CGRRF1: variants seen among roughly 807,000 people sequenced by gnomAD.
CGRRF1 encodes the protein cell growth regulator with ring finger domain 1.
In CGRRF1, 32 loss-of-function variants were observed where a neutral mutation model predicts 37.2. The observed-to-expected ratio is 0.86, with a 90% CI of 0.65 to 1.16. The LOEUF is 1.16. Ranked by LOEUF, CGRRF1 falls within the 50% of genes most tolerant of loss-of-function variation. CGRRF1 has a pLI of 0.00. For missense variants in CGRRF1, 391 were observed against 382.6 expected (o/e 1.02, Z -0.18); for synonymous variants, 141 against 140.3 (o/e 1.00, Z -0.04).
chr14:54,535,417 C>T (rs993417500), intron 4 of CGRRF1, among the ~76,000 whole-genome samples: 3 of 147,862 alleles, frequency 2.0e-5, no homozygotes, highest in African/African-American at 7.5e-5. Context: ...AAAACATTCT[C>T]ATTTTGTTTG....
At position 54,534,639 on chromosome 14, in the gene CGRRF1, A is replaced by G. The variant is rs541087456; in HGVS notation, c.571-3083A>G. 2.6e-5 allele frequency among the ~76,000 whole-genome samples: 4 copies of G among 152,314 alleles called. No homozygotes were observed. The South Asian group carries it at 8.3e-4, about 32-fold the overall frequency. On this transcript the variant is annotated intron_variant, in intron 4 of 5. Coordinates refer to ENST00000216420, the MANE Select transcript of CGRRF1 (RefSeq NM_006568.3). ...AATAAAAAAGTAAAAGATCACCCAT[A>G]TACCCTGCACCTGGATCTCCTATTG...
chr14:54,510,899 A>C (rs1409016162), intron 1 of CGRRF1, among the ~76,000 whole-genome samples: 3 of 152,248 alleles, frequency 2.0e-5, no homozygotes, highest in Non-Finnish European at 2.9e-5. Context: ...TAATAGTTAC[A>C]AAAAGATCAA....
intron 1 of CGRRF1, among the ~76,000 whole-genome samples, chr14:54,516,894 G>T (rs923783270): frequency 1.3e-5 from 2 of 151,916 alleles, no homozygotes; most frequent in African/African-American, 4.8e-5. Flanking sequence ...CTGTTATGTT[G>T]TCTTCAAGAT....
chr14:54,527,623 G>C (rs567582951), intron 2 of CGRRF1, among the ~76,000 whole-genome samples: 1 of 151,960 alleles, frequency 6.6e-6, no homozygotes, highest in African/African-American at 2.4e-5. Context: ...GTCTATAAAC[G>C]AGTCTCTTAA....
intron 2 of CGRRF1, among the ~76,000 whole-genome samples, chr14:54,526,373 T>C (rs1035540359): frequency 5.3e-5 from 8 of 151,626 alleles, no homozygotes; most frequent in Admixed American, 2.0e-4. Context: ...ATGGTCTCAA[T>C]CTCTTGACCT....
At chr14:54,528,968 T>C (rs1157376398) in intron 2 of CGRRF1, among the ~76,000 whole-genome samples, 1 of 152,156 alleles carries the variant, frequency 6.6e-6, no homozygotes, top group Non-Finnish European at 1.5e-5. Context: ...TTCTAACATA[T>C]ACTCTTGATC....
At chr14:54,516,660 C>G (rs2140055305) in intron 1 of CGRRF1, among the ~76,000 whole-genome samples, 1 of 152,074 alleles carries the variant, frequency 6.6e-6, no homozygotes, top group South Asian at 2.1e-4. Context: ...GTTTCTTGTG[C>G]TTGGAGCTCA....
At chr14:54,531,245 A>C (rs1359176047) in intron 4 of CGRRF1, 195 bp downstream of exon 4, 12 of 517,146 alleles carry the variant, frequency 2.3e-5, no homozygotes, top group Non-Finnish European at 3.7e-5. Context: ...CTTATGGGTC[A>C]CAGTAATATG....
chr14:54,511,767 A>G (rs958273477), intron 1 of CGRRF1, among the ~76,000 whole-genome samples: 5 of 152,158 alleles, frequency 3.3e-5, no homozygotes, highest in Non-Finnish European at 7.4e-5. Flanking sequence ...AAATCACCCC[A>G]TTTAGGTAAG....
At chr14:54,510,475 A>T (rs2032111614) in intron 1 of CGRRF1, among the ~76,000 whole-genome samples, 1 of 152,228 alleles carries the variant, frequency 6.6e-6, no homozygotes, top group African/African-American at 2.4e-5. Context: ...CAGACTGGAC[A>T]GTAAGCGAGG....
intron 1 of CGRRF1, among the ~76,000 whole-genome samples, chr14:54,517,785 C>T (rs1355718882): frequency 6.6e-6 from 1 of 152,174 alleles, no homozygotes; most frequent in Admixed American, 6.5e-5. Context: ...CCAGCTCCCA[C>T]CCTGATGGGC....
At position 54,538,787 on chromosome 14, in the gene CGRRF1, G is replaced by A; in HGVS notation, c.*404G>A. 6.3e-6 allele frequency: 1 copy of A among 159,138 alleles called. No homozygotes were observed. Among genetic ancestry groups the A allele is most frequent in the South Asian group, 1.7e-4 (1 of 5,818 alleles). The allele number at this position is 159,138 out of a possible 1,614,324, so 9.9% of individuals were successfully genotyped here. On this transcript the variant is annotated 3_prime_UTR_variant, in exon 6 of 6. Transcript: ENST00000216420. ...AAGAAAAAACTTAATTCTACTTAAA[G>A]TAATTGTGTGTTCCCTAGTTTATAC... is the stretch of plus-strand genomic sequence containing the variant.
chr14:54,515,005 A>G (rs980452194), intron 1 of CGRRF1, among the ~76,000 whole-genome samples: 5 of 151,958 alleles, frequency 3.3e-5, no homozygotes, highest in South Asian at 2.1e-4. Flanking sequence ...GACTTGTTTT[A>G]TAATCCAAAT....
intron 1 of CGRRF1, among the ~76,000 whole-genome samples, chr14:54,519,300 C>T (rs1469143564): frequency 6.6e-6 from 1 of 151,678 alleles, no homozygotes; most frequent in Non-Finnish European, 1.5e-5. Context: ...TGCAGTGGCA[C>T]AATCTCTGCT....
chr14:54,538,015 G>T (rs1406836215), intron 5 of CGRRF1, 48 bp from the exon 6 acceptor site: 1 of 1,470,844 alleles, frequency 6.8e-7, no homozygotes, highest in African/African-American at 1.4e-5. Context: ...ATTTTAAAGA[G>T]TAATTGTTAT....
At chr14:54,535,464 C>G (rs541977097) in intron 4 of CGRRF1, among the ~76,000 whole-genome samples, 1 of 152,164 alleles carries the variant, frequency 6.6e-6, no homozygotes, top group East Asian at 1.9e-4. Context: ...AGTTTTACAT[C>G]TGCAGCCAGT....
rs771028922 is a variant in CGRRF1 at position 54,509,987 on chromosome 14, T to A, written c.28T>A (p.Tyr10Asn). ...GGCTGCGGTGTTTCTGGTAACGCTT[T>A]ATGAATACTCGCCGCTTTTCTACAT... MAAVFLVTL[Y>N]EYSPLFYIAV... is the part of the protein sequence containing the mutation. Residue 10 changes from tyrosine (Y) to asparagine (N), a missense_variant, in exon 1 of 6, where the codon TAT (tyrosine) becomes AAT (asparagine). By Grantham distance (143) the Tyr-to-Asn change is moderately radical. Coordinates refer to ENST00000216420, the MANE Select transcript of CGRRF1 (RefSeq NM_006568.3). 1.2e-6 allele frequency: 2 copies of A among 1,613,970 alleles called. No individual in the cohort carries two copies. Among genetic ancestry groups the A allele is most frequent in the South Asian group, 1.1e-5 (1 of 91,090 alleles).
chr14:54,520,233 C>T (rs1368034408), intron 1 of CGRRF1, among the ~76,000 whole-genome samples: 12 of 152,176 alleles, frequency 7.9e-5, no homozygotes, highest in African/African-American at 2.4e-4. Flanking sequence ...TTCAGCCTCC[C>T]GAGTAGCTGG....
chr14:54,530,426 C>T (rs1053606080), intron 3 of CGRRF1, 200 bp downstream of exon 3: 2 of 702,416 alleles, frequency 2.8e-6, no homozygotes, highest in African/African-American at 1.8e-5. Flanking sequence ...ATCTGATATA[C>T]CCATTAGCAC....
Sources: gnomAD v4.1 joint callset for allele counts (sites outside exome capture counted in the v4.1 genomes callset) on GRCh38, gnomAD v4.1.1 for gene constraint, MANE v1.5 for transcripts, NCBI Gene and HGNC (gene_info 2026-07-23, HGNC 2026-07-21) for gene names.